Variants in GRB2 observed in about 807,000 individuals in gnomAD.
The protein encoded by GRB2 is growth factor receptor bound protein 2.
Under a neutral mutation model 27.4 loss-of-function variants are expected in GRB2, and 2 were observed. The ratio of observed to expected loss-of-function variants is 0.07; its 90% CI spans 0.03 to 0.23. The LOEUF is 0.23. Ranked by LOEUF, GRB2 falls within the 10% of genes least tolerant of loss-of-function variation. GRB2 has a pLI of 1.00. For synonymous variants in GRB2, 94 were observed against 99.6 expected, an observed-to-expected ratio of 0.94 and a Z score of 0.33; for missense variants, 102 against 282.4, an observed-to-expected ratio of 0.36 and a Z score of 4.58.
intron 2 of GRB2, among the ~76,000 whole-genome samples, chr17:75,363,813 T>G (rs1356371038): frequency 7.4e-6 from 1 of 134,536 alleles, no homozygotes; most frequent in African/African-American, 2.9e-5. Flanking sequence ...CAAGCGGAGA[T>G]CGCCCCACTG....
intron 3 of GRB2, among the ~76,000 whole-genome samples, chr17:75,327,390 A>AC (rs201441700): frequency 0.04 from 4,167 of 103,602 alleles, 199 homozygotes; most frequent in African/African-American, 0.14. Flanking sequence ...TTTTTTTTTT[A>AC]GATAGAGTCT....
intron 2 of GRB2, among the ~76,000 whole-genome samples, chr17:75,352,042 C>G (rs1036718600): frequency 1.3e-5 from 2 of 152,176 alleles, no homozygotes; most frequent in Non-Finnish European, 2.9e-5. Flanking sequence ...CTAATGGAAT[C>G]GGAGACAAAT....
intron 1 of GRB2, among the ~76,000 whole-genome samples, chr17:75,397,529 A>AT (rs1210303255): frequency 6.6e-6 from 1 of 152,032 alleles, no homozygotes; most frequent in South Asian, 2.1e-4. Context: ...TATTTGCAAG[A>AT]TTTTTTTTCT....
intron 2 of GRB2, among the ~76,000 whole-genome samples, chr17:75,342,729 C>T (rs1164357123): frequency 6.6e-6 from 1 of 152,096 alleles, no homozygotes; most frequent in African/African-American, 2.4e-5. Context: ...ATGTGGAGTA[C>T]CTTTCCACAA....
At chr17:75,381,735 G>A (rs5015881) in intron 2 of GRB2, among the ~76,000 whole-genome samples, 74,371 of 119,726 alleles carry the variant, frequency 0.62, 27,833 homozygotes, top group East Asian at 0.89. Context: ...AAAAAAAAAA[G>A]AAAAAAAAAA....
rs576021064 is a variant in GRB2 at position 75,339,890 on chromosome 17, A to C, written c.79-7093T>G. On this transcript the variant is annotated intron_variant, in intron 2 of 5. Coordinates refer to ENST00000316804, the MANE Select transcript of GRB2 (RefSeq NM_002086.5). The stretch of plus-strand genomic sequence containing the variant: ...GCGATCCACCCGCCTTGGCCTCCCA[A>C]AGTGCTGGGATTACAGGCGTTAGCC... Among the ~76,000 whole-genome samples, 25 of 152,294 alleles carry C rather than the reference A, an allele frequency of 1.6e-4. No homozygotes were observed. The South Asian group carries it at 5.2e-3, about 32-fold the overall frequency.
chr17:75,340,770 A>C (rs2078615417), intron 2 of GRB2, among the ~76,000 whole-genome samples: 1 of 152,230 alleles, frequency 6.6e-6, no homozygotes, highest in Non-Finnish European at 1.5e-5. Flanking sequence ...TCCATCTGTT[A>C]CAGTTTTTCT....
In GRB2 at chr17:75,344,195, C is replaced by CT. The variant is rs767883021; in HGVS notation, c.79-11399dup. Among the ~76,000 whole-genome samples, 37 of 152,216 alleles carry CT rather than the reference C, an allele frequency of 2.4e-4. No individual in the cohort carries two copies. In the East Asian group the frequency reaches 6.6e-3, roughly 27 times the overall value. ...AAGTGTGAACTTGGTTATTCCCTGT[C>CT]TGCATCTTTAGCTCTGCTTAGTCTG... is the stretch of plus-strand genomic sequence containing the variant. On this transcript the variant is annotated intron_variant, in intron 2 of 5. Transcript: ENST00000316804.
intron 4 of GRB2, among the ~76,000 whole-genome samples, chr17:75,324,507 G>GTTTTTTGTTTTTTTT (rs2078483467): frequency 2.7e-5 from 1 of 36,704 alleles, no homozygotes; most frequent in Non-Finnish European, 5.7e-5. Flanking sequence ...ACCGCACCCA[G>GTTTTTTGTTTTTTTT]TTTTTTTTTT....
rs1159480215 is a variant in GRB2, at chr17:75,318,732, C to T, written c.*1636G>A. The T allele has an allele frequency of 6.6e-6, 1 of 152,216 alleles. No individual in the cohort carries two copies. Among genetic ancestry groups the T allele is most frequent in the Admixed American group, 6.6e-5 (1 of 15,262 alleles). The allele number at this position is 152,216 out of a possible 1,614,324, so 9.4% of individuals were successfully genotyped here. A position where few individuals can be genotyped will look rare whatever the true frequency, so the allele number is the denominator to read the frequency against. ...GGAGGCACAAGCAGCACTCCAGCTT[C>T]CCAGTGCTGCCCTCACACTCACCTG... On this transcript the variant is annotated 3_prime_UTR_variant, in exon 6 of 6. Transcript: ENST00000316804.
chr17:75,351,684 T>C (rs767927287), intron 2 of GRB2, among the ~76,000 whole-genome samples: 21 of 151,806 alleles, frequency 1.4e-4, no homozygotes, highest in African/African-American at 7.3e-5. Flanking sequence ...TTCTCCACCA[T>C]AAACAAAGAC....
At chr17:75,394,377 T>TA (rs1238212381) in intron 1 of GRB2, 1 of 152,250 alleles carries the variant, frequency 6.6e-6, no homozygotes, top group Non-Finnish European at 1.5e-5. Flanking sequence ...CATTTACTGC[T>TA]ACAAGCACCG....
At chr17:75,342,824 G>A (rs1667729777) in intron 2 of GRB2, among the ~76,000 whole-genome samples, 3 of 152,068 alleles carry the variant, frequency 2.0e-5, no homozygotes, top group South Asian at 4.1e-4. Context: ...CAAGGCGGGA[G>A]GATGCCTTGA....
rs185816991 is a variant in GRB2, at chr17:75,375,313, T to G, written c.78+18238A>C. The stretch of plus-strand genomic sequence containing the variant: ...ACAAATCCACAAAAGCTCACATTAT[T>G]CTTTCCTGTAATTGCTGATTATGAA... On this transcript the variant is annotated intron_variant, in intron 2 of 5. Coordinates refer to ENST00000316804, the MANE Select transcript of GRB2 (RefSeq NM_002086.5). 3.4e-3 allele frequency among the ~76,000 whole-genome samples: 511 copies of G among 152,268 alleles called. 7 individuals are homozygous for G. Among genetic ancestry groups the G allele is most frequent in the African/African-American group, 0.012 (500 of 41,546 alleles).
At chr17:75,348,825 G>A (rs368777363) in intron 2 of GRB2, among the ~76,000 whole-genome samples, 26 of 152,262 alleles carry the variant, frequency 1.7e-4, no homozygotes, top group African/African-American at 5.1e-4. Context: ...ACAGGTGCAC[G>A]CCGCCACGCC....
chr17:75,361,957 A>T (rs1016706521), intron 2 of GRB2, among the ~76,000 whole-genome samples: 1 of 152,016 alleles, frequency 6.6e-6, no homozygotes, highest in Non-Finnish European at 1.5e-5. Flanking sequence ...CCTCATGTTT[A>T]ATGCAACCAC....
chr17:75,378,557 C>T (rs1030435266), intron 2 of GRB2, among the ~76,000 whole-genome samples: 3 of 152,076 alleles, frequency 2.0e-5, no homozygotes, highest in African/African-American at 7.2e-5. Flanking sequence ...CACACATGAA[C>T]GTACAACACT....
chr17:75,353,853 A>C (rs760066056), intron 2 of GRB2, among the ~76,000 whole-genome samples: 1 of 152,026 alleles, frequency 6.6e-6, no homozygotes, highest in Non-Finnish European at 1.5e-5. Flanking sequence ...AGCCTGGCCA[A>C]CATGGAGAAA....
intron 2 of GRB2, among the ~76,000 whole-genome samples, chr17:75,361,098 A>T (rs1433371367): frequency 6.6e-6 from 1 of 152,120 alleles, no homozygotes; most frequent in African/African-American, 2.4e-5. Context: ...AAGGTACAAT[A>T]TATTGTGTAC....
Sources: gnomAD v4.1 joint callset for allele counts (sites outside exome capture counted in the v4.1 genomes callset) on GRCh38, gnomAD v4.1.1 for gene constraint, MANE v1.5 for transcripts, NCBI Gene and HGNC (gene_info 2026-07-23, HGNC 2026-07-21) for gene names.